Variants in PSMD14 observed in about 807,000 individuals in gnomAD.
PSMD14 encodes the protein proteasome 26S subunit, non-ATPase 14.
PSMD14 carries 7 observed loss-of-function variants against 41.2 expected under a neutral mutation model. That is an observed-to-expected ratio of 0.17 (90% CI 0.10 to 0.32). The LOEUF (loss-of-function observed/expected upper bound fraction) is 0.32. Among genes scored for constraint, PSMD14 ranks in the 10% least tolerant of loss-of-function variants. PSMD14 has a pLI of 1.00. For missense variants in PSMD14, 139 were observed against 375.6 expected, an observed-to-expected ratio of 0.37 and a Z score of 5.21; for synonymous variants, 114 against 122.3, an observed-to-expected ratio of 0.93 and a Z score of 0.45.
chr2:161,336,806 C>T (rs907960445), intron 3 of PSMD14, among the ~76,000 whole-genome samples: 2 of 152,146 alleles, frequency 1.3e-5, no homozygotes, highest in Non-Finnish European at 1.5e-5. Flanking sequence ...AAACTCCTGG[C>T]CTCAGGTGAT....
intron 7 of PSMD14, chr2:161,382,860 A>G (rs1474198127): frequency 1.3e-5 from 2 of 151,638 alleles, no homozygotes; most frequent in Non-Finnish European, 3.0e-5. Flanking sequence ...AAAATGGATT[A>G]TTTCCCCTAC....
At chr2:161,365,478 T>C (rs1302760341) in intron 3 of PSMD14, among the ~76,000 whole-genome samples, 1 of 152,160 alleles carries the variant, frequency 6.6e-6, no homozygotes, top group Non-Finnish European at 1.5e-5. Context: ...CTGGATTCTT[T>C]CAGTAATGCA....
At chr2:161,399,380 A>T (rs1559055121) in intron 10 of PSMD14, among the ~76,000 whole-genome samples, 1 of 152,152 alleles carries the variant, frequency 6.6e-6, no homozygotes, top group Non-Finnish European at 1.5e-5. Flanking sequence ...ATTTTTACCT[A>T]TAACACAGAG....
intron 3 of PSMD14, among the ~76,000 whole-genome samples, chr2:161,330,303 TGG>T (rs1682769344): frequency 6.6e-6 from 1 of 152,178 alleles, no homozygotes; most frequent in East Asian, 1.9e-4. Context: ...AGAAAGTATA[TGG>T]GAAAGAAGAC....
intron 3 of PSMD14, among the ~76,000 whole-genome samples, chr2:161,333,079 T>C (rs1317230284): frequency 6.6e-6 from 1 of 152,234 alleles, no homozygotes; most frequent in Non-Finnish European, 1.5e-5. Context: ...GTCTTGTACA[T>C]TTTTGAAGGA....
At chr2:161,318,437 A>T (rs1041073931) in intron 2 of PSMD14, among the ~76,000 whole-genome samples, 1 of 152,134 alleles carries the variant, frequency 6.6e-6, no homozygotes, top group South Asian at 2.1e-4. Flanking sequence ...TTTTATTTGT[A>T]CACTCTGGAC....
At chr2:161,348,253 T>G (rs1683072200) in intron 3 of PSMD14, among the ~76,000 whole-genome samples, 1 of 152,214 alleles carries the variant, frequency 6.6e-6, no homozygotes, top group Admixed American at 6.5e-5. Flanking sequence ...TTTGATAATC[T>G]TTTCTTTAAA....
At chr2:161,393,764 A>T (rs1683748839) in intron 9 of PSMD14, among the ~76,000 whole-genome samples, 1 of 151,982 alleles carries the variant, frequency 6.6e-6, no homozygotes, top group Admixed American at 6.6e-5. Context: ...TTCTTATTTA[A>T]TGATGGTCCT....
In PSMD14 at chr2:161,317,513, TG is replaced by T. The variant is rs1689159768; in HGVS notation, c.-5+945del. 5.3e-5 allele frequency among the ~76,000 whole-genome samples: 8 copies of T among 152,320 alleles called. No homozygotes were observed. The South Asian group carries it at 1.7e-3, about 32-fold the overall frequency. On this transcript the variant is annotated intron_variant, in intron 2 of 11. Transcript: ENST00000409682. ...GGTGGCGTTTCTGAGGTGCCAATAA[TG>T]TTCTGTTTCTTGAACTAGGTGATGG...
At chr2:161,392,186 T>C (rs535737819) in intron 9 of PSMD14, among the ~76,000 whole-genome samples, 1 of 152,216 alleles carries the variant, frequency 6.6e-6, no homozygotes, top group African/African-American at 2.4e-5. Flanking sequence ...TTCCCCCCTT[T>C]ACTATTACAA....
At chr2:161,365,175 T>A (rs983875351) in intron 3 of PSMD14, among the ~76,000 whole-genome samples, 2 of 152,200 alleles carry the variant, frequency 1.3e-5, no homozygotes, top group African/African-American at 4.8e-5. Flanking sequence ...TACATGGCTT[T>A]CTTGTTAGTA....
At chr2:161,408,585 A>G in intron 10 of PSMD14, 1 of 410,774 alleles carries the variant, frequency 2.4e-6, no homozygotes, top group Non-Finnish European at 4.6e-6. Flanking sequence ...CAACACAATC[A>G]TTTAGTGATC....
intron 3 of PSMD14, among the ~76,000 whole-genome samples, chr2:161,346,875 G>T (rs1683051238): frequency 6.6e-6 from 1 of 151,958 alleles, no homozygotes; most frequent in Non-Finnish European, 1.5e-5. Flanking sequence ...TCTTTCCCCA[G>T]ACCATGCATT....
intron 3 of PSMD14, among the ~76,000 whole-genome samples, chr2:161,321,535 CAA>C (rs760313970): frequency 6.6e-6 from 1 of 152,112 alleles, no homozygotes; most frequent in Non-Finnish European, 1.5e-5. Context: ...TCAGACTCTG[CAA>C]GTTAAAGGCT....
chr2:161,340,714 G>A (rs1682940871), intron 3 of PSMD14: 2 of 1,578,412 alleles, frequency 1.3e-6, no homozygotes, highest in African/African-American at 2.7e-5. Context: ...ATGCACCCTG[G>A]GCGCCTGCCC....
At chr2:161,381,240 A>G (rs1683567370) in intron 7 of PSMD14, 1 of 149,334 alleles carries the variant, frequency 6.7e-6, no homozygotes, top group African/African-American at 2.4e-5. Context: ...TATATAATAT[A>G]TAGGTATACA....
At chr2:161,402,982 G>T (rs533390334) in intron 10 of PSMD14, among the ~76,000 whole-genome samples, 2 of 152,322 alleles carry the variant, frequency 1.3e-5, no homozygotes, top group South Asian at 2.1e-4. Flanking sequence ...AAACAGTTTG[G>T]TGGTTCCTCA....
At chr2:161,358,035 T>C (rs559944206) in intron 3 of PSMD14, among the ~76,000 whole-genome samples, 5 of 152,270 alleles carry the variant, frequency 3.3e-5, no homozygotes, top group African/African-American at 4.8e-5. Flanking sequence ...AGACTTTTTT[T>C]CCATTACTTT....
intron 2 of PSMD14, among the ~76,000 whole-genome samples, chr2:161,317,088 ATATTC>A (rs1259163377): frequency 6.6e-6 from 1 of 152,164 alleles, no homozygotes; most frequent in Non-Finnish European, 1.5e-5. Flanking sequence ...CTTTGGTAAT[ATATTC>A]TAGAGAATTG....
Sources: allele counts gnomAD v4.1 joint callset (sites outside exome capture counted in the v4.1 genomes callset), GRCh38; gene constraint gnomAD v4.1.1; transcripts MANE v1.5; gene names NCBI Gene and HGNC (gene_info 2026-07-23, HGNC 2026-07-21).